The following PABPC4L variants were observed in gnomAD, a reference collection of about 807,000 sequenced individuals.
The protein encoded by PABPC4L is polyadenylate-binding protein 4-like.
For missense variants in PABPC4L, 452 were observed against 451.4 expected, an observed-to-expected ratio of 1.00 and a Z score of -0.01; for synonymous variants, 169 against 164.1, an observed-to-expected ratio of 1.03 and a Z score of -0.23.
At chr4:134,176,392 C>T in the PABPC4L span, among the ~76,000 whole-genome samples, 2 of 152,012 alleles carry the variant, frequency 1.3e-5, no homozygotes, top group African/African-American at 2.4e-5. Flanking sequence ...GGCTTATCCC[C>T]GTAATCCCAG....
chr4:134,090,740 G>A, the PABPC4L span, among the ~76,000 whole-genome samples: 120 of 151,596 alleles, frequency 7.9e-4, no homozygotes, highest in African/African-American at 2.5e-3. Flanking sequence ...TCCAGCCTAG[G>A]TGACAGAGCA....
At chr4:134,067,377 C>T in the PABPC4L span, among the ~76,000 whole-genome samples, 1 of 151,928 alleles carries the variant, frequency 6.6e-6, no homozygotes, top group African/African-American at 2.4e-5. Flanking sequence ...GTGTAACATC[C>T]TTTTATTCAT....
At chr4:134,121,029 T>A in the PABPC4L span, among the ~76,000 whole-genome samples, 7 of 151,526 alleles carry the variant, frequency 4.6e-5, no homozygotes, top group African/African-American at 1.7e-4. Context: ...TTTTTAATTC[T>A]GTAAATTTTC....
the PABPC4L span, among the ~76,000 whole-genome samples, chr4:134,056,262 G>A: frequency 1.3e-5 from 2 of 151,876 alleles, no homozygotes; most frequent in African/African-American, 4.8e-5. Flanking sequence ...TCTTGAAATT[G>A]GTTAGAGTGT....
the PABPC4L span, among the ~76,000 whole-genome samples, chr4:134,043,153 C>T: frequency 3.3e-5 from 5 of 149,712 alleles, no homozygotes; most frequent in South Asian, 6.3e-4. Context: ...AAGAAAATTG[C>T]TTCCTACACC....
the PABPC4L span, among the ~76,000 whole-genome samples, chr4:133,971,922 T>C: frequency 3.9e-5 from 6 of 152,310 alleles, no homozygotes; most frequent in African/African-American, 1.4e-4. Context: ...TCTCAAAAAT[T>C]TGTGCCCTTC....
At chr4:134,084,933 G>A in the PABPC4L span, among the ~76,000 whole-genome samples, 1 of 152,034 alleles carries the variant, frequency 6.6e-6, no homozygotes, top group Non-Finnish European at 1.5e-5. Context: ...AAAGGAAAAA[G>A]AAAGGAAAAC....
At chr4:133,990,621 A>T in the PABPC4L span, among the ~76,000 whole-genome samples, 2 of 152,172 alleles carry the variant, frequency 1.3e-5, no homozygotes, top group Admixed American at 6.5e-5. Context: ...ATGAGAATGC[A>T]GCAGCAGCAA....
chr4:134,169,715 A>G, the PABPC4L span, among the ~76,000 whole-genome samples: 1 of 152,142 alleles, frequency 6.6e-6, no homozygotes, highest in Non-Finnish European at 1.5e-5. Context: ...ATACCTGGGA[A>G]TATACTTGGC....
At chr4:134,155,565 T>C in the PABPC4L span, among the ~76,000 whole-genome samples, 83 of 151,968 alleles carry the variant, frequency 5.5e-4, no homozygotes, top group African/African-American at 1.9e-3. Context: ...GTTAAAGAAA[T>C]AAATAATTTT....
At chr4:133,981,162 G>A in the PABPC4L span, among the ~76,000 whole-genome samples, 53 of 145,602 alleles carry the variant, frequency 3.6e-4, 1 homozygote, top group Non-Finnish European at 5.2e-4. Context: ...CTCCACTGGG[G>A]AAAAAAAAAA....
At chr4:134,065,002 G>A in the PABPC4L span, among the ~76,000 whole-genome samples, 1 of 151,896 alleles carries the variant, frequency 6.6e-6, no homozygotes, top group Non-Finnish European at 1.5e-5. Flanking sequence ...ACTGTTGATG[G>A]GTATTTATAT....
the PABPC4L span, among the ~76,000 whole-genome samples, chr4:133,982,719 T>C: frequency 6.6e-6 from 1 of 152,006 alleles, no homozygotes; most frequent in African/African-American, 2.4e-5. Flanking sequence ...ATAGTCATGG[T>C]TGCATTCCAT....
chr4:134,031,987 C>A, the PABPC4L span, among the ~76,000 whole-genome samples: 1 of 151,732 alleles, frequency 6.6e-6, no homozygotes, highest in Non-Finnish European at 1.5e-5. Flanking sequence ...ATCAATTTCT[C>A]TCTAACCAAA....
At chr4:133,989,865 G>C in the PABPC4L span, among the ~76,000 whole-genome samples, 1 of 152,092 alleles carries the variant, frequency 6.6e-6, no homozygotes, top group African/African-American at 2.4e-5. Context: ...GGCTGGGAAG[G>C]CCTCAGGAAG....
At chr4:133,991,552 A>G in the PABPC4L span, among the ~76,000 whole-genome samples, 1 of 152,120 alleles carries the variant, frequency 6.6e-6, no homozygotes, top group Non-Finnish European at 1.5e-5. Flanking sequence ...TGTTAGACAC[A>G]TTTCTGGCCA....
chr4:133,956,371 CA>C, the PABPC4L span, among the ~76,000 whole-genome samples: 2 of 151,990 alleles, frequency 1.3e-5, no homozygotes, highest in Non-Finnish European at 1.5e-5. Flanking sequence ...GAAAAGATAG[CA>C]AAAGGAGAGG....
the PABPC4L span, among the ~76,000 whole-genome samples, chr4:134,004,209 G>A: frequency 3.3e-5 from 5 of 151,848 alleles, no homozygotes; most frequent in Non-Finnish European, 7.4e-5. Context: ...GAGGCAACCC[G>A]AGGAATGGCA....
At chr4:133,974,022 C>G in the PABPC4L span, among the ~76,000 whole-genome samples, 1 of 151,996 alleles carries the variant, frequency 6.6e-6, no homozygotes, top group Non-Finnish European at 1.5e-5. Context: ...AAATCTAAAT[C>G]TAATAATGTA....
Sources: allele counts gnomAD v4.1 joint callset (sites outside exome capture counted in the v4.1 genomes callset), GRCh38; gene constraint gnomAD v4.1.1; transcripts MANE v1.5; gene names NCBI Gene and HGNC (gene_info 2026-07-23, HGNC 2026-07-21).